Variants in C8orf34 observed in about 807,000 individuals in gnomAD.
C8orf34 encodes the protein uncharacterized protein C8orf34.
Under a neutral mutation model 68.3 loss-of-function variants are expected in C8orf34, and 65 were observed. The ratio of observed to expected loss-of-function variants is 0.95; its 90% CI spans 0.78 to 1.17. C8orf34 has a LOEUF of 1.17. Ranked by LOEUF, C8orf34 falls within the 50% of genes most tolerant of loss-of-function variation. The probability of loss-of-function intolerance (pLI) is 0.00; values close to 1 mark genes in which losing one functional copy is unlikely to be tolerated. For missense variants in C8orf34, 664 were observed against 655.4 expected, an observed-to-expected ratio of 1.01 and a Z score of -0.14; for synonymous variants, 244 against 241.2, an observed-to-expected ratio of 1.01 and a Z score of -0.11.
At chr8:68,817,154 A>T (rs1278089917) in intron 13 of C8orf34, among the ~76,000 whole-genome samples, 3 of 152,188 alleles carry the variant, frequency 2.0e-5, no homozygotes, top group Non-Finnish European at 1.5e-5. Context: ...AGGTTTTCTT[A>T]TCATGGAACT....
At chr8:68,440,992 G>A (rs1378940752) in intron 2 of C8orf34, among the ~76,000 whole-genome samples, 2 of 152,048 alleles carry the variant, frequency 1.3e-5, no homozygotes, top group Non-Finnish European at 2.9e-5. Context: ...TTTTAGTAGA[G>A]ACGGGGTTTC....
chr8:68,745,254 C>G (rs1414667633), intron 10 of C8orf34, among the ~76,000 whole-genome samples: 2 of 152,118 alleles, frequency 1.3e-5, no homozygotes, highest in African/African-American at 4.8e-5. Flanking sequence ...TGGAAAGGAA[C>G]AACTGGTGCC....
intron 12 of C8orf34, among the ~76,000 whole-genome samples, chr8:68,808,848 G>C (rs529540868): frequency 6.6e-6 from 1 of 152,078 alleles, no homozygotes; most frequent in East Asian, 1.9e-4. Context: ...CTTATTATTA[G>C]GTTTCTATTT....
intron 12 of C8orf34, among the ~76,000 whole-genome samples, chr8:68,813,662 G>C (rs1449906144): frequency 6.6e-6 from 1 of 152,096 alleles, no homozygotes; most frequent in African/African-American, 2.4e-5. Context: ...CCTGTGCCAA[G>C]CACCATGAGA....
chr8:68,717,633 GTTTAT>G (rs1010893579), intron 9 of C8orf34, among the ~76,000 whole-genome samples: 2 of 151,992 alleles, frequency 1.3e-5, no homozygotes, highest in African/African-American at 4.8e-5. Flanking sequence ...GGTTTGGGGT[GTTTAT>G]TTTGTCTTTG....
chr8:68,665,206 C>G (rs1220063141), intron 8 of C8orf34, among the ~76,000 whole-genome samples: 1 of 152,076 alleles, frequency 6.6e-6, no homozygotes, highest in East Asian at 1.9e-4. Flanking sequence ...AGTATGTCTT[C>G]ATAGATCAAT....
intron 10 of C8orf34, among the ~76,000 whole-genome samples, chr8:68,748,723 A>G (rs1348031472): frequency 6.6e-6 from 1 of 152,128 alleles, no homozygotes; most frequent in African/African-American, 2.4e-5. Flanking sequence ...CAATCATTAA[A>G]AAGTCAGGAA....
At chr8:68,715,871 T>A (rs1821457759) in intron 9 of C8orf34, among the ~76,000 whole-genome samples, 1 of 152,128 alleles carries the variant, frequency 6.6e-6, no homozygotes, top group Admixed American at 6.5e-5. Flanking sequence ...CACATAAATG[T>A]TTATAACAGC....
chr8:68,612,790 T>C (rs1465890852), intron 7 of C8orf34, among the ~76,000 whole-genome samples: 1 of 152,206 alleles, frequency 6.6e-6, no homozygotes, highest in African/African-American at 2.4e-5. Flanking sequence ...TTATGTATTT[T>C]TTCTCTATGT....
intron 7 of C8orf34, among the ~76,000 whole-genome samples, chr8:68,576,141 TAC>T (rs112048534): frequency 4.4e-4 from 66 of 149,036 alleles, no homozygotes; most frequent in African/African-American, 7.6e-4. Flanking sequence ...ATATTCTTTT[TAC>T]ACACACACAC....
At chr8:68,473,786 A>G (rs1302449637) in intron 4 of C8orf34, among the ~76,000 whole-genome samples, 1 of 152,156 alleles carries the variant, frequency 6.6e-6, no homozygotes, top group Non-Finnish European at 1.5e-5. Flanking sequence ...TACTTCTGAA[A>G]CTTATCTCAC....
At chr8:68,775,425 A>G (rs147991553) in intron 10 of C8orf34, among the ~76,000 whole-genome samples, 56 of 152,292 alleles carry the variant, frequency 3.7e-4, no homozygotes, top group African/African-American at 1.3e-3. Context: ...TTGTTTGACA[A>G]TTTTGACCAC....
Position 68,461,698 on chromosome 8 carries a change from G to A in C8orf34, c.608-6994G>A, listed in dbSNP as rs370446340. On this transcript the variant is annotated intron_variant, in intron 3 of 13. Coordinates refer to ENST00000518698, the MANE Select transcript of C8orf34 (RefSeq NM_052958.4). ...TTCCTATCCAGCCAAACTAAGCTTC[G>A]TAAGTGAAGGAGAAATAAAATCCTT... 2.4e-3 allele frequency among the ~76,000 whole-genome samples: 358 copies of A among 152,182 alleles called. 1 individual carries two copies. Among genetic ancestry groups the A allele is most frequent in the African/African-American group, 7.5e-3 (311 of 41,534 alleles).
At chr8:68,606,449 TAC>T (rs1817856826) in intron 7 of C8orf34, among the ~76,000 whole-genome samples, 1 of 152,166 alleles carries the variant, frequency 6.6e-6, no homozygotes, top group Non-Finnish European at 1.5e-5. Context: ...GCCCATAACT[TAC>T]AGAGAGAGGT....
At chr8:68,403,954 G>T (rs1361325508) in intron 1 of C8orf34, among the ~76,000 whole-genome samples, 1 of 152,146 alleles carries the variant, frequency 6.6e-6, no homozygotes, top group Non-Finnish European at 1.5e-5. Context: ...TTGAGGAATG[G>T]CTACACTGTC....
chr8:68,818,555 C>T lies in C8orf34; in HGVS notation c.*309C>T. On this transcript the variant is annotated 3_prime_UTR_variant, in exon 14 of 14. Coordinates refer to ENST00000518698, the MANE Select transcript of C8orf34 (RefSeq NM_052958.4). ...TTGATATATTAAATATTGCCTGATT[C>T]AAATAACTTTGCTTAAAATTTTTCT... 3.8e-6 allele frequency: 1 copy of T among 261,292 alleles called. No individual in the cohort carries two copies. 16.2% of individuals were successfully genotyped at this position (261,292 alleles called of 1,614,324 possible).
intron 7 of C8orf34, among the ~76,000 whole-genome samples, chr8:68,559,215 A>T (rs949164591): frequency 6.6e-6 from 1 of 152,214 alleles, no homozygotes. Context: ...GTGGAAGATG[A>T]TGACTATGCT....
intron 8 of C8orf34, among the ~76,000 whole-genome samples, chr8:68,685,793 C>T (rs1269477697): frequency 6.6e-6 from 1 of 151,842 alleles, no homozygotes; most frequent in Non-Finnish European, 1.5e-5. Context: ...AAAGGATAAA[C>T]TGAGCCTGGG....
At chr8:68,583,423 T>C (rs1167938765) in intron 7 of C8orf34, among the ~76,000 whole-genome samples, 1 of 152,176 alleles carries the variant, frequency 6.6e-6, no homozygotes, top group Non-Finnish European at 1.5e-5. Flanking sequence ...ACATAACTAC[T>C]GTATGACAGA....
Sources: allele counts gnomAD v4.1 joint callset (sites outside exome capture counted in the v4.1 genomes callset), GRCh38; gene constraint gnomAD v4.1.1; transcripts MANE v1.5; gene names NCBI Gene and HGNC (gene_info 2026-07-23, HGNC 2026-07-21).